ANTXR2: variants seen among roughly 807,000 people sequenced by gnomAD.
The protein encoded by ANTXR2 is anthrax toxin receptor 2.
In ANTXR2, 44 loss-of-function variants were observed where a neutral mutation model predicts 73.7. That is an observed-to-expected ratio of 0.60 (90% CI 0.47 to 0.77). The LOEUF (loss-of-function observed/expected upper bound fraction) is 0.77. ANTXR2 is among the 30% of genes least tolerant of loss of function. ANTXR2 has a pLI of 0.00. For missense variants in ANTXR2, 604 were observed against 592.5 expected (o/e 1.02, Z -0.20); for synonymous variants, 217 against 205.9 (o/e 1.05, Z -0.46).
At position 80,035,973 on chromosome 4, in the gene ANTXR2, C is replaced by A; in HGVS notation, c.696G>T (p.Gly232=). The A allele has an allele frequency of 6.5e-7, 1 of 1,543,374 alleles. No individual in the cohort carries two copies. The highest frequency in any genetic ancestry group is 8.7e-7 in the Non-Finnish European group (1 of 1,144,700). ...LELQPSSVCV[G]EEFQIVLSGR... is the part of the protein sequence containing the mutation. ...TATTTTTAAATTCTAAACACTTACC[C>A]CCCACACAGACACTTGAGGGCTGCA... The change falls in exon 8 of 17, where the codon GGG becomes GGT. Residue 232 remains glycine (G), a splice_region_variant and synonymous_variant. Transcript: ENST00000403729.
intron 16 of ANTXR2, among the ~76,000 whole-genome samples, chr4:79,965,258 A>G (rs143425582): frequency 1.7e-3 from 252 of 152,310 alleles, no homozygotes; most frequent in African/African-American, 5.8e-3. Flanking sequence ...AATAAATGAC[A>G]AGATTGTTTT....
intron 11 of ANTXR2, among the ~76,000 whole-genome samples, chr4:80,014,307 G>A (rs914670586): frequency 1.5e-4 from 23 of 151,970 alleles, no homozygotes; most frequent in Non-Finnish European, 3.1e-4. Flanking sequence ...GGTGGCTCAC[G>A]CCTGTAATCC....
chr4:80,072,688 G>T lies in ANTXR2; in HGVS notation c.-128C>A. The T allele has an allele frequency of 7.5e-7, 1 of 1,340,786 alleles. No homozygotes were observed. 83.1% of individuals were successfully genotyped at this position (1,340,786 alleles called of 1,614,324 possible). A position where few individuals can be genotyped will look rare whatever the true frequency, so the allele number is the denominator to read the frequency against. ...GGCGGCGAGCAGCTGAGACGCCGGC[G>T]CCTGCGGCAGCGGGACCCACCAGCT... On this transcript the variant is annotated 5_prime_UTR_variant, in exon 1 of 17. Coordinates refer to ENST00000403729, the MANE Select transcript of ANTXR2 (RefSeq NM_058172.6).
intron 16 of ANTXR2, among the ~76,000 whole-genome samples, chr4:79,958,773 C>T (rs372854432): frequency 2.0e-5 from 3 of 152,038 alleles, no homozygotes; most frequent in Non-Finnish European, 4.4e-5. Context: ...CAGTTAAAAC[C>T]GTCCCACCTC....
chr4:79,996,407 T>C (rs1560960473), intron 12 of ANTXR2, among the ~76,000 whole-genome samples: 1 of 151,886 alleles, frequency 6.6e-6, no homozygotes, highest in Non-Finnish European at 1.5e-5. Flanking sequence ...GATAGTTATA[T>C]TTAAAACTTT....
chr4:80,051,820 A>C (rs1170304654), intron 7 of ANTXR2, among the ~76,000 whole-genome samples: 1 of 151,688 alleles, frequency 6.6e-6, no homozygotes, highest in Non-Finnish European at 1.5e-5. Flanking sequence ...GCTCCAAAAT[A>C]AAACTTTCTT....
chr4:79,978,136 T>C lies in ANTXR2; in HGVS notation c.1218A>G (p.Ala406=), dbSNP rs953862128. The C allele has an allele frequency of 6.2e-7, 1 of 1,613,982 alleles. No individual in the cohort carries two copies. Among genetic ancestry groups the C allele is most frequent in the Non-Finnish European group, 8.5e-7 (1 of 1,179,868 alleles). ...CAGCATTTTTGGCTTTCTCTAGCCT[T>C]GCACCTTCCTCAGTAGATCCTTTAT... ...WGDKGSTEEG[A]RLEKAKNAVV... The change falls in exon 15 of 17, where the codon GCA becomes GCG. Residue 406 remains alanine, a synonymous_variant. Coordinates refer to ENST00000403729, the MANE Select transcript of ANTXR2 (RefSeq NM_058172.6).
rs564923818 is a variant in ANTXR2, at chr4:79,933,090, G to A, written c.1429-25623C>T. ...ATTAGTTATAATGGTGCCTTCCCAC[G>A]GTGAAAAACTATTGAATATCCTAAC... On this transcript the variant is annotated intron_variant, in intron 16 of 16. Coordinates refer to ENST00000403729, the MANE Select transcript of ANTXR2 (RefSeq NM_058172.6). 4.6e-5 allele frequency among the ~76,000 whole-genome samples: 7 copies of A among 152,110 alleles called. No homozygotes were observed. In the East Asian group the frequency reaches 7.7e-4, roughly 17 times the overall value.
intron 16 of ANTXR2, among the ~76,000 whole-genome samples, chr4:79,975,543 A>C (rs73828827): frequency 0.091 from 13,909 of 152,262 alleles, 737 homozygotes; most frequent in Middle Eastern, 0.23. Flanking sequence ...GTCTGTTTTT[A>C]TTGGCTAGTA....
Position 80,031,672 on chromosome 4 carries a change from G to T in ANTXR2, c.817C>A (p.Gln273Lys), listed in dbSNP as rs1465442147. 2 of 1,515,844 alleles carry T rather than the reference G, an allele frequency of 1.3e-6. No individual in the cohort carries two copies. The highest frequency in any genetic ancestry group is 4.6e-5 in the Admixed American group (2 of 43,740). The allele number at this position is 1,515,844 out of a possible 1,614,324, so 93.9% of individuals were successfully genotyped here. The change falls in exon 10 of 17, where the codon CAG becomes AAG. Residue 273 changes from glutamine (Q) to lysine (K), a missense_variant. Coordinates refer to ENST00000403729, the MANE Select transcript of ANTXR2 (RefSeq NM_058172.6). Reference sequence around the variant, plus strand: ...GCAGGACAAAGCATAGAATTAAGCTGTACACTTACTGGTTTTACACCTAGA... The same window carrying T: ...GCAGGACAAAGCATAGAATTAAGCTTTACACTTACTGGTTTTACACCTAGA... ...YTTSVKPVSV[Q>K]LNSMLCPAPI... is the part of the protein sequence containing the mutation.
chr4:79,915,155 C>A (rs888635681), intron 16 of ANTXR2, among the ~76,000 whole-genome samples: 3 of 152,060 alleles, frequency 2.0e-5, no homozygotes, highest in Non-Finnish European at 2.9e-5. Context: ...AATGGAGATG[C>A]CCTGAAGAAA....
At chr4:80,060,006 T>C (rs905082979) in intron 3 of ANTXR2, among the ~76,000 whole-genome samples, 7 of 152,194 alleles carry the variant, frequency 4.6e-5, no homozygotes, top group Non-Finnish European at 7.3e-5. Flanking sequence ...GATGTGTCTG[T>C]ACAGTACTTG....
At chr4:79,926,777 TC>T (rs1233317736) in intron 16 of ANTXR2, among the ~76,000 whole-genome samples, 18 of 152,180 alleles carry the variant, frequency 1.2e-4, no homozygotes, top group African/African-American at 4.3e-4. Flanking sequence ...ATCTGCATTT[TC>T]ATGTTGATTA....
At chr4:80,004,883 T>C (rs917920149) in intron 12 of ANTXR2, among the ~76,000 whole-genome samples, 1 of 151,908 alleles carries the variant, frequency 6.6e-6, no homozygotes, top group Non-Finnish European at 1.5e-5. Context: ...CCAGGAGAAT[T>C]ACCACCATTG....
At position 79,984,837 on chromosome 4, in the gene ANTXR2, G is replaced by GGGT. The variant is rs1334532514; in HGVS notation, c.1065_1067dup (p.Pro356dup). The GGGT allele has an allele frequency of 1.9e-6, 3 of 1,605,596 alleles. No homozygotes were observed. Among genetic ancestry groups the GGGT allele is most frequent in the African/African-American group, 2.7e-5 (2 of 74,632 alleles). ...CACTTACCTCTTTTGGTGCAGGGGC[G>GGGT]GGTGGTGGTGGAGGATCCTTAATAA... On this transcript the variant is annotated inframe_insertion, in exon 13 of 17. Coordinates refer to ENST00000403729, the MANE Select transcript of ANTXR2 (RefSeq NM_058172.6).
intron 16 of ANTXR2, among the ~76,000 whole-genome samples, chr4:79,945,709 T>C (rs1337181533): frequency 6.6e-6 from 1 of 152,104 alleles, no homozygotes; most frequent in East Asian, 1.9e-4. Flanking sequence ...CCACCTCTGA[T>C]ATGATGAGAA....
chr4:80,037,129 T>G (rs1733016074), intron 7 of ANTXR2, among the ~76,000 whole-genome samples: 1 of 152,174 alleles, frequency 6.6e-6, no homozygotes, highest in South Asian at 2.1e-4. Flanking sequence ...TTTTTAGAAC[T>G]GCTCTGCACT....
chr4:80,041,929 A>G (rs759898953), intron 7 of ANTXR2, among the ~76,000 whole-genome samples: 10 of 152,122 alleles, frequency 6.6e-5, no homozygotes, highest in African/African-American at 9.7e-5. Context: ...CAATAAACAT[A>G]CGCATGCATG....
At chr4:80,041,570 G>A (rs1319847411) in intron 7 of ANTXR2, among the ~76,000 whole-genome samples, 2 of 151,702 alleles carry the variant, frequency 1.3e-5, no homozygotes, top group African/African-American at 4.8e-5. Flanking sequence ...TGTCACCTAG[G>A]TATTAAGCCC....
Sources: allele counts gnomAD v4.1 joint callset (sites outside exome capture counted in the v4.1 genomes callset), GRCh38; gene constraint gnomAD v4.1.1; transcripts MANE v1.5; gene names NCBI Gene and HGNC (gene_info 2026-07-23, HGNC 2026-07-21).